The following DIAPH3 variants were observed in gnomAD, a reference collection of about 807,000 sequenced individuals.
DIAPH3 encodes the protein protein diaphanous homolog 3.
Under a neutral mutation model 144.3 loss-of-function variants are expected in DIAPH3, and 117 were observed. That is an observed-to-expected ratio of 0.81 (90% confidence interval 0.70 to 0.95). DIAPH3 has a LOEUF of 0.95. Ranked by LOEUF, DIAPH3 falls within the 40% of genes least tolerant of loss-of-function variation. The pLI, the probability that DIAPH3 is intolerant of heterozygous loss-of-function variation, is 0.00. For missense variants in DIAPH3, 1,421 were observed against 1,412.7 expected (o/e 1.01, Z -0.09); for synonymous variants, 519 against 488.9 (o/e 1.06, Z -0.81).
intron 17 of DIAPH3, among the ~76,000 whole-genome samples, chr13:59,929,027 G>A (rs1205262893): frequency 6.6e-6 from 1 of 152,068 alleles, no homozygotes; most frequent in Admixed American, 6.5e-5. Context: ...AATCACTAAA[G>A]GTAAAGTTCA....
At chr13:60,072,785 G>A (rs1006517371) in intron 4 of DIAPH3, among the ~76,000 whole-genome samples, 2 of 152,114 alleles carry the variant, frequency 1.3e-5, no homozygotes, top group Admixed American at 6.5e-5. Context: ...AGTACTGCTA[G>A]ATGCTTTAAC....
rs374663395 is a variant in DIAPH3 at position 59,971,011 on chromosome 13, T to G, written c.1800A>C (p.Pro600=). ...PPPPPPPPPL[P]GMRMPFSGPV... is the part of the protein sequence containing the mutation. The stretch of plus-strand genomic sequence containing the variant: ...GACCACTGAATGGCATCCGCATTCC[T>G]GGAAGTGGAGGAGGTGGTGGGGGAG... The change falls in exon 16 of 28, where the codon CCA becomes CCC. Residue 600 remains proline, a synonymous_variant. Coordinates refer to ENST00000400324, the MANE Select transcript of DIAPH3 (RefSeq NM_001042517.2). The G allele has an allele frequency of 1.4e-4, 218 of 1,613,088 alleles. No individual in the cohort carries two copies. Among genetic ancestry groups the G allele is most frequent in the Non-Finnish European group, 1.8e-4 (207 of 1,179,668 alleles).
At chr13:59,682,796 AC>A (rs1483426233) in intron 27 of DIAPH3, among the ~76,000 whole-genome samples, 6 of 152,130 alleles carry the variant, frequency 3.9e-5, no homozygotes, top group Non-Finnish European at 7.4e-5. Flanking sequence ...AGCGATGCCA[AC>A]TTGTATTGTA....
intron 25 of DIAPH3, among the ~76,000 whole-genome samples, chr13:59,785,528 T>C (rs1364356488): frequency 6.6e-6 from 1 of 152,170 alleles, no homozygotes; most frequent in Non-Finnish European, 1.5e-5. Flanking sequence ...TCAAAGACTA[T>C]TGTGAAGATT....
intron 9 of DIAPH3, among the ~76,000 whole-genome samples, chr13:60,007,104 T>G (rs1196573451): frequency 6.6e-6 from 1 of 151,928 alleles, no homozygotes. Flanking sequence ...CAGGCTGGAG[T>G]GCAGTGGCAC....
At chr13:59,818,922 T>C (rs1366635201) in intron 24 of DIAPH3, among the ~76,000 whole-genome samples, 1 of 151,894 alleles carries the variant, frequency 6.6e-6, no homozygotes, top group African/African-American at 2.4e-5. Context: ...CTCCTGTTAC[T>C]TTTTCTCTTT....
chr13:60,009,172 A>T (rs1460154738), intron 8 of DIAPH3, among the ~76,000 whole-genome samples: 3 of 152,198 alleles, frequency 2.0e-5, no homozygotes, highest in Admixed American at 6.5e-5. Context: ...ATATAATAGT[A>T]TGGTATTATA....
At chr13:59,777,375 A>C (rs1346173551) in intron 25 of DIAPH3, among the ~76,000 whole-genome samples, 3 of 152,154 alleles carry the variant, frequency 2.0e-5, no homozygotes, top group Non-Finnish European at 4.4e-5. Flanking sequence ...AGTAATAAAA[A>C]TGTAGGAAGG....
At chr13:60,045,620 T>C (rs1027444870) in intron 4 of DIAPH3, among the ~76,000 whole-genome samples, 1 of 152,188 alleles carries the variant, frequency 6.6e-6, no homozygotes, top group Non-Finnish European at 1.5e-5. Context: ...AATTTCTTGA[T>C]ATCATAAATT....
intron 9 of DIAPH3, among the ~76,000 whole-genome samples, chr13:60,005,508 T>C (rs1048554001): frequency 6.6e-6 from 1 of 151,882 alleles, no homozygotes; most frequent in African/African-American, 2.4e-5. Flanking sequence ...AGACAGAGAG[T>C]CTTGCTCTGT....
chr13:59,914,924 AT>A (rs2047157762), intron 19 of DIAPH3, among the ~76,000 whole-genome samples: 1 of 152,196 alleles, frequency 6.6e-6, no homozygotes, highest in African/African-American at 2.4e-5. Flanking sequence ...TATAGTACAA[AT>A]AAAAAACTAA....
At chr13:59,740,394 G>A (rs2036387429) in intron 27 of DIAPH3, among the ~76,000 whole-genome samples, 1 of 152,244 alleles carries the variant, frequency 6.6e-6, no homozygotes, top group African/African-American at 2.4e-5. Flanking sequence ...TAGAACTGTT[G>A]TAAGAGTTAA....
intron 27 of DIAPH3, among the ~76,000 whole-genome samples, chr13:59,730,864 T>C (rs2035860523): frequency 6.6e-6 from 1 of 152,162 alleles, no homozygotes; most frequent in Admixed American, 6.5e-5. Context: ...CCAGCACCTA[T>C]CAGTGCTCAA....
chr13:59,842,464 T>C (rs1473066946), intron 22 of DIAPH3, among the ~76,000 whole-genome samples: 1 of 152,150 alleles, frequency 6.6e-6, no homozygotes, highest in East Asian at 1.9e-4. Flanking sequence ...CACCAATCAA[T>C]TGTCTAATTC....
chr13:60,004,302 C>T (rs1566642816), intron 9 of DIAPH3, among the ~76,000 whole-genome samples: 1 of 152,038 alleles, frequency 6.6e-6, no homozygotes. Context: ...TGATAGCCAG[C>T]CACCTCAAAA....
chr13:59,931,539 GAAGAT>G (rs1173631374), intron 17 of DIAPH3, among the ~76,000 whole-genome samples: 1 of 152,042 alleles, frequency 6.6e-6, no homozygotes, highest in Non-Finnish European at 1.5e-5. Context: ...TCCTCCATTA[GAAGAT>G]AAGATCCTTA....
At chr13:59,878,103 TTAAAGATAGAATC>T (rs1242613981) in intron 21 of DIAPH3, among the ~76,000 whole-genome samples, 22 of 152,088 alleles carry the variant, frequency 1.4e-4, no homozygotes, top group Admixed American at 9.8e-4. Flanking sequence ...ATCACATACA[TTAAAGATAGAATC>T]TAAAGATAGA....
intron 25 of DIAPH3, among the ~76,000 whole-genome samples, chr13:59,805,176 TCTTA>T (rs2040129598): frequency 2.0e-5 from 3 of 152,160 alleles, no homozygotes; most frequent in Middle Eastern, 6.8e-3. Flanking sequence ...TTAAATAAGC[TCTTA>T]TTTACTTCCC....
chr13:59,878,648 GAC>G (rs752713793), intron 21 of DIAPH3, among the ~76,000 whole-genome samples: 2 of 151,782 alleles, frequency 1.3e-5, no homozygotes, highest in African/African-American at 2.4e-5. Context: ...ACCTATGAAA[GAC>G]ACAGGAGAAA....
Sources: allele counts gnomAD v4.1 joint callset (sites outside exome capture counted in the v4.1 genomes callset), GRCh38; gene constraint gnomAD v4.1.1; transcripts MANE v1.5; gene names NCBI Gene and HGNC (gene_info 2026-07-23, HGNC 2026-07-21).